Variants in DLG2 observed in about 807,000 individuals in gnomAD.
DLG2 encodes the protein disks large homolog 2.
In DLG2, 45 loss-of-function variants were observed where a neutral mutation model predicts 132.5. The ratio of observed to expected loss-of-function variants is 0.34; its 90% confidence interval spans 0.27 to 0.44. The LOEUF (loss-of-function observed/expected upper bound fraction) is 0.44, where lower values mean the gene tolerates loss of function less well. DLG2 is among the 20% of genes least tolerant of loss of function. DLG2 has a pLI of 1.00. For missense variants in DLG2, 1,045 were observed against 1,196.9 expected (o/e 0.87, Z 1.87); for synonymous variants, 424 against 419.6 (o/e 1.01, Z -0.13).
chr11:83,933,553 C>G (rs1451305419), intron 14 of DLG2, among the ~76,000 whole-genome samples: 2 of 152,208 alleles, frequency 1.3e-5, no homozygotes, highest in African/African-American at 4.8e-5. Context: ...CCTTGGTGAT[C>G]TCTCTTTTCT....
chr11:83,772,214 C>T (rs2094422203), intron 18 of DLG2, among the ~76,000 whole-genome samples: 1 of 151,868 alleles, frequency 6.6e-6, no homozygotes, highest in Admixed American at 6.6e-5. Flanking sequence ...TTGAGGCCAG[C>T]CTGGGCAACA....
chr11:83,761,207 C>A (rs1162611225), intron 18 of DLG2, among the ~76,000 whole-genome samples: 1 of 152,164 alleles, frequency 6.6e-6, no homozygotes, highest in Non-Finnish European at 1.5e-5. Context: ...TTCCTCACTG[C>A]AGTCTCCTTA....
intron 6 of DLG2, among the ~76,000 whole-genome samples, chr11:84,547,992 C>T (rs566000793): frequency 6.6e-6 from 1 of 152,100 alleles, no homozygotes; most frequent in Non-Finnish European, 1.5e-5. Context: ...GTAAGATTTT[C>T]AACAATAAAA....
At chr11:85,201,178 C>T (rs555171801) in intron 4 of DLG2, among the ~76,000 whole-genome samples, 57 of 152,300 alleles carry the variant, frequency 3.7e-4, no homozygotes, top group African/African-American at 1.3e-3. Flanking sequence ...CATAGCAGAT[C>T]CAAAGAGAGC....
intron 10 of DLG2, among the ~76,000 whole-genome samples, chr11:84,098,282 A>T (rs138529343): frequency 6.6e-6 from 1 of 152,050 alleles, no homozygotes; most frequent in Non-Finnish European, 1.5e-5. Flanking sequence ...CAAGTGATCC[A>T]TCTGCCTTGG....
intron 3 of DLG2, among the ~76,000 whole-genome samples, chr11:85,286,927 A>G (rs2078594893): frequency 6.6e-6 from 1 of 152,116 alleles, no homozygotes; most frequent in African/African-American, 2.4e-5. Context: ...ACAGTGGGGG[A>G]ATATCAAAGA....
intron 6 of DLG2, among the ~76,000 whole-genome samples, chr11:84,636,200 G>A (rs1336262210): frequency 6.6e-6 from 1 of 152,194 alleles, no homozygotes; most frequent in East Asian, 1.9e-4. Flanking sequence ...ATGCACATGT[G>A]TGTGTGTAAA....
intron 4 of DLG2, among the ~76,000 whole-genome samples, chr11:85,214,736 C>T (rs2082469178): frequency 6.6e-6 from 1 of 152,154 alleles, no homozygotes; most frequent in Non-Finnish European, 1.5e-5. Flanking sequence ...CTACTTTAAA[C>T]TTTTGTTAAA....
intron 3 of DLG2, among the ~76,000 whole-genome samples, chr11:85,303,726 T>C (rs2079758082): frequency 6.6e-6 from 1 of 152,238 alleles, no homozygotes; most frequent in Admixed American, 6.5e-5. Flanking sequence ...CTAGTCCCAA[T>C]TGCCATTAAC....
At chr11:84,602,068 T>C (rs1260627878) in intron 6 of DLG2, among the ~76,000 whole-genome samples, 1 of 152,014 alleles carries the variant, frequency 6.6e-6, no homozygotes, top group African/African-American at 2.4e-5. Context: ...CAGACATTCA[T>C]TCAATGAAGA....
At position 83,807,839 on chromosome 11, in the gene DLG2, C is replaced by T. The variant is rs191289560; in HGVS notation, c.1723-21047G>A. ...TGAGGCACAGAAAGATTAGATGCTT[C>T]GAAAGTAGCAGAGCTAACATAAGAG... On this transcript the variant is annotated intron_variant, in intron 17 of 27. Coordinates refer to ENST00000376104, the MANE Select transcript of DLG2 (RefSeq NM_001142699.3). Among the ~76,000 whole-genome samples the T allele has an allele frequency of 5.6e-3, 849 of 152,240 alleles. 10 individuals are homozygous for T. Among genetic ancestry groups the T allele is most frequent in the African/African-American group, 0.018 (739 of 41,556 alleles).
At chr11:84,178,877 G>C (rs1200577880) in intron 8 of DLG2, among the ~76,000 whole-genome samples, 2 of 152,178 alleles carry the variant, frequency 1.3e-5, no homozygotes, top group Non-Finnish European at 2.9e-5. Context: ...TCTGGAGCTG[G>C]TAAGAGAGAA....
At chr11:84,500,197 TA>T (rs575868122) in intron 7 of DLG2, among the ~76,000 whole-genome samples, 71 of 152,198 alleles carry the variant, frequency 4.7e-4, no homozygotes, top group African/African-American at 1.7e-3. Flanking sequence ...AGGGTGGTTA[TA>T]AAAAACATGT....
At chr11:85,219,187 GT>G (rs1372177251) in intron 4 of DLG2, among the ~76,000 whole-genome samples, 84 of 152,184 alleles carry the variant, frequency 5.5e-4, no homozygotes, top group African/African-American at 1.9e-3. Context: ...ATATCCACAT[GT>G]AACAAACCTG....
chr11:84,156,710 G>C (rs2154256182), intron 9 of DLG2, among the ~76,000 whole-genome samples: 2 of 152,230 alleles, frequency 1.3e-5, no homozygotes, highest in South Asian at 4.1e-4. Context: ...GACTTATAGA[G>C]AAAAGAAAAA....
chr11:85,165,330 C>T lies in DLG2; in HGVS notation c.187-10679G>A, dbSNP rs530261159. On this transcript the variant is annotated intron_variant, in intron 4 of 27. Coordinates refer to ENST00000376104, the MANE Select transcript of DLG2 (RefSeq NM_001142699.3). ...GGAGGCCATTGTTTTGGACTGAGTT[C>T]CTTCACTAGGCCCCAAAAGACCAGA... 1.8e-4 allele frequency among the ~76,000 whole-genome samples: 28 copies of T among 152,258 alleles called. 1 individual carries two copies. The South Asian group carries it at 5.6e-3, about 30-fold the overall frequency.
intron 3 of DLG2, among the ~76,000 whole-genome samples, chr11:85,489,366 T>C (rs1381792445): frequency 6.6e-6 from 1 of 152,184 alleles, no homozygotes; most frequent in Non-Finnish European, 1.5e-5. Context: ...GATATAATCA[T>C]TCTAAATATA....
Position 84,155,129 on chromosome 11 carries a change from A to G in DLG2, c.624+8332T>C, listed in dbSNP as rs574951937. 4.6e-5 allele frequency among the ~76,000 whole-genome samples: 7 copies of G among 152,324 alleles called. No homozygotes were observed. In the South Asian group the frequency reaches 1.0e-3, roughly 23 times the overall value. ...TTTTTATATTCTTTATTTCTTTTAG[A>G]GTTGAATTGTGGTATATATTGAGTA... On this transcript the variant is annotated intron_variant, in intron 9 of 27. Transcript: ENST00000376104.
intron 18 of DLG2, among the ~76,000 whole-genome samples, chr11:83,758,926 T>C (rs2093773215): frequency 6.6e-6 from 1 of 152,174 alleles, no homozygotes. Context: ...AAGCAGAAAC[T>C]ATAAAAGAGA....
Sources: allele counts gnomAD v4.1 joint callset (sites outside exome capture counted in the v4.1 genomes callset), GRCh38; gene constraint gnomAD v4.1.1; transcripts MANE v1.5; gene names NCBI Gene and HGNC (gene_info 2026-07-23, HGNC 2026-07-21).